The following OS9 variants were observed in gnomAD, a reference collection of about 807,000 sequenced individuals.
OS9 encodes protein OS-9.
A neutral mutation model predicts 84.7 loss-of-function variants in OS9; 58 were observed. That is an observed-to-expected ratio of 0.68 (90% CI 0.55 to 0.85). The LOEUF (loss-of-function observed/expected upper bound fraction) is 0.85, where lower values mean the gene tolerates loss of function less well. OS9 is among the 40% of genes least tolerant of loss of function. The pLI is 0.00. For synonymous variants in OS9, 278 were observed against 320.8 expected, an observed-to-expected ratio of 0.87 and a Z score of 1.43; for missense variants, 760 against 850.9, an observed-to-expected ratio of 0.89 and a Z score of 1.33.
chr12:57,718,959 C>G lies in OS9; in HGVS notation c.1411-34C>G, dbSNP rs1472088293. 3.2e-6 allele frequency: 5 copies of G among 1,557,262 alleles called. No homozygotes were observed. In the African/African-American group the frequency reaches 6.8e-5, roughly 21 times the overall value. ...CCGCTGGCTGCCTCCACACCCCAGACCCTTGACTCACTCTCTTCTCTTGGG... is the reference window on the plus strand; with the variant it reads ...CCGCTGGCTGCCTCCACACCCCAGAGCCTTGACTCACTCTCTTCTCTTGGG... On this transcript the variant is annotated intron_variant, in intron 11 of 14. Transcript: ENST00000315970.
At chr12:57,710,931 C>T (rs1178397257) in intron 5 of OS9, among the ~76,000 whole-genome samples, 1 of 148,116 alleles carries the variant, frequency 6.8e-6, no homozygotes, top group Non-Finnish European at 1.5e-5. Context: ...CCCAGCTACT[C>T]AGGAGGCTGA....
rs1954555791 is a variant in OS9, at chr12:57,717,989, C to G, written c.1134+31C>G. ...GGCCGTGCTTAGGGAATGGGTAGAACCCACCTCCCAACTGCGAGCATTTGA... is the reference window on the plus strand; with the variant it reads ...GGCCGTGCTTAGGGAATGGGTAGAAGCCACCTCCCAACTGCGAGCATTTGA... On this transcript the variant is annotated intron_variant, in intron 10 of 14. Transcript: ENST00000315970. 3 of 1,570,980 alleles carry G rather than the reference C, an allele frequency of 1.9e-6. No individual in the cohort carries two copies. The South Asian group carries it at 3.4e-5, about 18-fold the overall frequency.
In OS9 at chr12:57,706,869, AG is replaced by A. The variant is rs1954184218; in HGVS notation, c.580-8890del. On this transcript the variant is annotated intron_variant, in intron 5 of 14. Transcript: ENST00000315970. The stretch of plus-strand genomic sequence containing the variant: ...CTGAAAAAAAAAAAAAAAAAAAAAA[AG>A]TTTAGATAAAATAAATCCTCCCCAT... Among the ~76,000 whole-genome samples the A allele has an allele frequency of 2.8e-5, 4 of 143,802 alleles. No individual in the cohort carries two copies. The South Asian group carries it at 8.4e-4, about 30-fold the overall frequency. The allele number at this position is 143,802 out of a possible 152,430, so 94.3% of individuals were successfully genotyped here.
chr12:57,694,885 G>A lies in OS9; in HGVS notation c.298G>A (p.Glu100Lys), dbSNP rs748716562. Reference sequence around the variant, plus strand: ...TGCTTACCAAGGGCCTGGGATCCCTGAGTTGTTGAGCCCAATGAGAGATGC... The same window carrying A: ...TGCTTACCAAGGGCCTGGGATCCCTAAGTTGTTGAGCCCAATGAGAGATGC... ...TPAYQGPGIP[E>K]LLSPMRDAPC... Residue 100 changes from glutamate to lysine, a missense_variant, in exon 2 of 15, where the codon GAG becomes AAG. Physicochemically the swap from Glu to Lys is moderately conservative, Grantham distance 56. Transcript: ENST00000315970. 1.7e-5 allele frequency: 27 copies of A among 1,614,070 alleles called. No individual in the cohort carries two copies. Among genetic ancestry groups the A allele is most frequent in the Non-Finnish European group, 2.2e-5 (26 of 1,180,034 alleles).
At chr12:57,710,996 A>G (rs148989021) in intron 5 of OS9, among the ~76,000 whole-genome samples, 4,001 of 142,206 alleles carry the variant, frequency 0.028, 139 homozygotes, top group African/African-American at 0.083. Context: ...CCGAGATCAC[A>G]CCACTATGCT....
intron 5 of OS9, among the ~76,000 whole-genome samples, chr12:57,698,804 G>C (rs1047399333): frequency 1.3e-5 from 2 of 152,176 alleles, no homozygotes; most frequent in Non-Finnish European, 2.9e-5. Context: ...GAGTCTGGGT[G>C]GTTGGTAGGG....
intron 12 of OS9, chr12:57,719,830 T>C (rs1489469197): frequency 8.7e-6 from 3 of 344,234 alleles, no homozygotes; most frequent in East Asian, 1.0e-4. Context: ...GGCCTGATTT[T>C]GGCTTTAGAA....
At chr12:57,716,850 G>T in intron 9 of OS9, 106 bp downstream of exon 9, 1 of 964,562 alleles carries the variant, frequency 1.0e-6, no homozygotes, top group South Asian at 1.3e-5. Context: ...TAGCCAGGCC[G>T]GCAGAAAATT....
chr12:57,721,222 G>A lies in OS9; in HGVS notation c.*313G>A, dbSNP rs939773964. The A allele has an allele frequency of 1.0e-5, 3 of 300,262 alleles. No individual in the cohort carries two copies. The highest frequency in any genetic ancestry group is 1.9e-5 in the Non-Finnish European group (3 of 156,020). 18.6% of individuals were successfully genotyped at this position (300,262 alleles called of 1,614,324 possible). ...GGATATTCCCTGCTGCCTACCTGGA[G>A]ATTCAGTAGGATCTTTTGAGTGGAG... On this transcript the variant is annotated 3_prime_UTR_variant, in exon 15 of 15. Transcript: ENST00000315970.
intron 7 of OS9, 81 bp from the exon 8 acceptor site, chr12:57,716,331 G>A: frequency 2.4e-6 from 3 of 1,244,920 alleles, no homozygotes; most frequent in Non-Finnish European, 3.4e-6. Context: ...GATAGAGGAG[G>A]GGAAGGGACC....
At chr12:57,719,405 G>T (rs1954611052) in intron 12 of OS9, 6 of 554,274 alleles carry the variant, frequency 1.1e-5, no homozygotes, top group Admixed American at 9.5e-5. Flanking sequence ...GAGCATATCT[G>T]CTGGTTTTCT....
intron 5 of OS9, among the ~76,000 whole-genome samples, chr12:57,707,701 A>G (rs1271047793): frequency 6.6e-6 from 1 of 152,110 alleles, no homozygotes; most frequent in Non-Finnish European, 1.5e-5. Flanking sequence ...GTCCCGCCAC[A>G]TGTTCGTTAT....
At chr12:57,697,868 C>CACACACACACACACAT (rs908712305) in intron 5 of OS9, among the ~76,000 whole-genome samples, 1 of 144,962 alleles carries the variant, frequency 6.9e-6, no homozygotes, top group Non-Finnish European at 1.5e-5. Flanking sequence ...AGCAAACACA[C>CACACACACACACACAT]ACACACACAC....
rs764293310 is a variant in OS9 at position 57,694,807 on chromosome 12, C to A, written c.220C>A (p.Arg74Ser). The change falls in exon 2 of 15, where the codon CGC becomes AGC. Residue 74 changes from arginine (R) to serine (S), a missense_variant. By Grantham distance (110) the Arg-to-Ser change is moderately radical (BLOSUM62 -1). Transcript: ENST00000315970. ...SSKYKQRYEC[R>S]LPAGAIHFQR... ...TAAGTACAAACAGCGCTATGAGTGTCGCCTGCCAGCTGGAGCTATTCACTT... is the reference window on the plus strand; with the variant it reads ...TAAGTACAAACAGCGCTATGAGTGTAGCCTGCCAGCTGGAGCTATTCACTT... The A allele has an allele frequency of 5.0e-6, 8 of 1,614,058 alleles. No individual in the cohort carries two copies. Among genetic ancestry groups the A allele is most frequent in the Non-Finnish European group, 6.8e-6 (8 of 1,179,976 alleles).
intron 12 of OS9, 72 bp from the exon 13 acceptor site, chr12:57,720,027 G>A: frequency 7.1e-7 from 1 of 1,411,526 alleles, no homozygotes; most frequent in Non-Finnish European, 9.7e-7. Flanking sequence ...TTTAGGGGGA[G>A]ATGACCCCCA....
intron 5 of OS9, among the ~76,000 whole-genome samples, chr12:57,700,532 C>T (rs1953990928): frequency 1.3e-5 from 2 of 152,182 alleles, no homozygotes; most frequent in African/African-American, 4.8e-5. Context: ...AAAGCCCCTA[C>T]TCCAGGGCAG....
Position 57,715,789 on chromosome 12 carries a change from T to A in OS9, c.609T>A (p.Ser203=). 1 of 1,612,884 alleles carries A rather than the reference T, an allele frequency of 6.2e-7. No homozygotes were observed. The highest frequency in any genetic ancestry group is 8.5e-7 in the Non-Finnish European group (1 of 1,179,272). ...RFLCDEGAGI[S]GDYIDRVDEP... The stretch of plus-strand genomic sequence containing the variant: ...TCTGTGACGAGGGTGCAGGTATCTC[T>A]GGGGACTACATCGATCGCGTGGACG... Residue 203 remains serine, a synonymous_variant, in exon 6 of 15, where the codon TCT becomes TCA. Coordinates refer to ENST00000315970, the MANE Select transcript of OS9 (RefSeq NM_006812.4).
At chr12:57,717,336 C>T (rs190026608) in intron 9 of OS9, among the ~76,000 whole-genome samples, 53 of 152,330 alleles carry the variant, frequency 3.5e-4, no homozygotes, top group African/African-American at 1.2e-3. Flanking sequence ...GGGACCATGT[C>T]CTTCCTTGGT....
Position 57,716,756 on chromosome 12 carries a change from T to C in OS9, c.1045+12T>C. The C allele has an allele frequency of 1.9e-6, 3 of 1,610,558 alleles. No individual in the cohort carries two copies. The highest frequency in any genetic ancestry group is 2.5e-6 in the Non-Finnish European group (3 of 1,176,738). ...TGGTGCTCCCAATGGTGAGTGAACC[T>C]TCCATGTCTCCTTTACTGAATATAT... On this transcript the variant is annotated intron_variant, in intron 9 of 14. Transcript: ENST00000315970.
Sources: allele counts gnomAD v4.1 joint callset (sites outside exome capture counted in the v4.1 genomes callset), GRCh38; gene constraint gnomAD v4.1.1; transcripts MANE v1.5; gene names NCBI Gene and HGNC (gene_info 2026-07-23, HGNC 2026-07-21).